The following BICC1 variants were observed in gnomAD, a reference collection of about 807,000 sequenced individuals.
BICC1 encodes the protein protein bicaudal C homolog 1.
A neutral mutation model predicts 111.0 loss-of-function variants in BICC1; 43 were observed. That is an observed-to-expected ratio of 0.39 (90% CI 0.30 to 0.50). BICC1 has a LOEUF of 0.50. Among genes scored for constraint, BICC1 ranks in the 20% least tolerant of loss-of-function variants. The pLI, the probability that BICC1 is intolerant of heterozygous loss-of-function variation, is 0.88. For synonymous variants in BICC1, 467 were observed against 434.4 expected (o/e 1.07, Z -0.93); for missense variants, 1,091 against 1,203.2 (o/e 0.91, Z 1.38).
chr10:58,737,490 G>A (rs1010474535), intron 3 of BICC1, among the ~76,000 whole-genome samples: 1 of 152,108 alleles, frequency 6.6e-6, no homozygotes, highest in Non-Finnish European at 1.5e-5. Flanking sequence ...TCTTAATTCA[G>A]TCTATCATTG....
chr10:58,700,483 G>A (rs976063096), intron 2 of BICC1, among the ~76,000 whole-genome samples: 1 of 152,176 alleles, frequency 6.6e-6, no homozygotes, highest in Admixed American at 6.5e-5. Context: ...GCAGAGACAG[G>A]CATGAATGAG....
At chr10:58,596,902 G>A (rs1405724576) in intron 1 of BICC1, among the ~76,000 whole-genome samples, 1 of 152,180 alleles carries the variant, frequency 6.6e-6, no homozygotes, top group African/African-American at 2.4e-5. Context: ...GGAAATAGGA[G>A]AGGACACAAA....
chr10:58,615,988 A>T (rs559513988), intron 1 of BICC1, among the ~76,000 whole-genome samples: 156 of 152,312 alleles, frequency 1.0e-3, no homozygotes, highest in Non-Finnish European at 8.5e-4. Context: ...ATGCAGCAGA[A>T]GTAAGGGCCC....
chr10:58,826,687 A>C (rs1844408418), intron 20 of BICC1, among the ~76,000 whole-genome samples: 2 of 133,092 alleles, frequency 1.5e-5, no homozygotes, highest in South Asian at 4.9e-4. Flanking sequence ...TGAACCCGGG[A>C]AGCGGAGCTT....
chr10:58,731,863 A>G (rs183491803), intron 3 of BICC1, among the ~76,000 whole-genome samples: 1 of 152,348 alleles, frequency 6.6e-6, no homozygotes, highest in East Asian at 1.9e-4. Flanking sequence ...TGAATGATCC[A>G]ATCACCTCCC....
At chr10:58,541,117 G>A (rs1475502951) in intron 1 of BICC1, among the ~76,000 whole-genome samples, 1 of 152,052 alleles carries the variant, frequency 6.6e-6, no homozygotes, top group Non-Finnish European at 1.5e-5. Context: ...GGTGAAAACT[G>A]AATCCTTTCT....
chr10:58,620,031 A>G (rs1845750555), intron 1 of BICC1, among the ~76,000 whole-genome samples: 1 of 152,086 alleles, frequency 6.6e-6, no homozygotes, highest in South Asian at 2.1e-4. Context: ...TCACTATTCC[A>G]CCTACACCTG....
chr10:58,757,583 C>T (rs1387904428), intron 3 of BICC1, among the ~76,000 whole-genome samples: 2 of 151,980 alleles, frequency 1.3e-5, no homozygotes, highest in African/African-American at 4.8e-5. Context: ...GGTTTCAGTT[C>T]CTTTAAGAGA....
At chr10:58,736,549 C>T (rs985080367) in intron 3 of BICC1, among the ~76,000 whole-genome samples, 2 of 152,142 alleles carry the variant, frequency 1.3e-5, no homozygotes, top group Non-Finnish European at 2.9e-5. Flanking sequence ...TTCTGGAGTA[C>T]TTGTGACCGA....
At chr10:58,688,476 C>G (rs1161990008) in intron 2 of BICC1, among the ~76,000 whole-genome samples, 2 of 152,078 alleles carry the variant, frequency 1.3e-5, no homozygotes, top group African/African-American at 2.4e-5. Context: ...CCAAGTCCCC[C>G]CCTGACCCAG....
intron 2 of BICC1, among the ~76,000 whole-genome samples, chr10:58,686,121 T>G (rs1454464873): frequency 6.6e-6 from 1 of 152,222 alleles, no homozygotes; most frequent in East Asian, 1.9e-4. Flanking sequence ...CCTTCACTTA[T>G]GAAGCTTAGT....
intron 3 of BICC1, among the ~76,000 whole-genome samples, chr10:58,751,954 T>G (rs1290225519): frequency 6.6e-6 from 1 of 152,188 alleles, no homozygotes; most frequent in Non-Finnish European, 1.5e-5. Context: ...TAATAATGTG[T>G]TAAGATGAAA....
At chr10:58,752,560 A>C (rs778010593) in intron 3 of BICC1, among the ~76,000 whole-genome samples, 18 of 152,274 alleles carry the variant, frequency 1.2e-4, no homozygotes, top group Middle Eastern at 3.4e-3. Flanking sequence ...CTTGGCTGCT[A>C]GGCTGCTGTC....
intron 1 of BICC1, among the ~76,000 whole-genome samples, chr10:58,547,042 T>C (rs1033688054): frequency 2.0e-5 from 3 of 152,132 alleles, no homozygotes; most frequent in Non-Finnish European, 2.9e-5. Flanking sequence ...GCTTTAGAGA[T>C]AAAGTTATGA....
At chr10:58,608,658 C>G (rs1845313872) in intron 1 of BICC1, among the ~76,000 whole-genome samples, 2 of 152,104 alleles carry the variant, frequency 1.3e-5, no homozygotes, top group Admixed American at 1.3e-4. Context: ...TAGAAGGCTT[C>G]CATTTATTAA....
chr10:58,768,435 C>T (rs1460447730), intron 3 of BICC1, among the ~76,000 whole-genome samples: 1 of 152,128 alleles, frequency 6.6e-6, no homozygotes, highest in Admixed American at 6.5e-5. Flanking sequence ...ACCACTAAGA[C>T]TGCCTTACAA....
At chr10:58,761,462 G>A (rs987749180) in intron 3 of BICC1, among the ~76,000 whole-genome samples, 1 of 152,178 alleles carries the variant, frequency 6.6e-6, no homozygotes, top group Non-Finnish European at 1.5e-5. Flanking sequence ...GCCCATCAAT[G>A]TAGATTTTTA....
At chr10:58,769,404 G>GTGTGTGTA (rs1050060686) in intron 3 of BICC1, among the ~76,000 whole-genome samples, 12 of 109,762 alleles carry the variant, frequency 1.1e-4, no homozygotes, top group African/African-American at 3.8e-4. Context: ...GTGTGTGTGT[G>GTGTGTGTA]TATATATATA....
At chr10:58,515,625 T>G (rs1038387939) in intron 1 of BICC1, among the ~76,000 whole-genome samples, 17 of 152,186 alleles carry the variant, frequency 1.1e-4, no homozygotes, top group Admixed American at 9.2e-4. Context: ...ATGTGGTTAG[T>G]TGTTGACCAA....
Sources: allele counts gnomAD v4.1 joint callset (sites outside exome capture counted in the v4.1 genomes callset), GRCh38; gene constraint gnomAD v4.1.1; transcripts MANE v1.5; gene names NCBI Gene and HGNC (gene_info 2026-07-23, HGNC 2026-07-21).